Variants in TTC28 observed in about 807,000 individuals in gnomAD.
TTC28 encodes tetratricopeptide repeat domain 28.
A neutral mutation model predicts 198.0 loss-of-function variants in TTC28; 61 were observed. The observed-to-expected ratio is 0.31, with a 90% CI of 0.25 to 0.38. The LOEUF (loss-of-function observed/expected upper bound fraction) is 0.38. TTC28 is among the 10% of genes least tolerant of loss of function. The probability of loss-of-function intolerance (pLI) is 1.00; values close to 1 mark genes in which losing one functional copy is unlikely to be tolerated. For missense variants in TTC28, 2,678 were observed against 3,164.0 expected (o/e 0.85, Z 3.69); for synonymous variants, 1,171 against 1,297.8 (o/e 0.90, Z 2.10).
At chr22:28,517,137 CA>C (rs2048805871) in intron 2 of TTC28, among the ~76,000 whole-genome samples, 1 of 152,102 alleles carries the variant, frequency 6.6e-6, no homozygotes, top group South Asian at 2.1e-4. Flanking sequence ...TCAGACTGAT[CA>C]AATTGAAAAA....
intron 2 of TTC28, among the ~76,000 whole-genome samples, chr22:28,335,450 T>C (rs1265233037): frequency 6.6e-6 from 1 of 152,224 alleles, no homozygotes. Context: ...TTGGGCTGTA[T>C]TGCCATTTCC....
intron 2 of TTC28, among the ~76,000 whole-genome samples, chr22:28,471,681 G>A (rs1044822241): frequency 3.9e-5 from 6 of 152,088 alleles, no homozygotes; most frequent in African/African-American, 1.4e-4. Flanking sequence ...GATCAAATAG[G>A]TTAATATATG....
intron 2 of TTC28, among the ~76,000 whole-genome samples, chr22:28,345,362 CCTAAAAATTCTTATACAGTGCATGGGA>C (rs1240056786): frequency 3.3e-5 from 5 of 152,096 alleles, no homozygotes; most frequent in Non-Finnish European, 5.9e-5. Flanking sequence ...ATAATCACCC[CCTAAAAATTCTTATACAGTGCATGGGA>C]CTATTGAATC....
intron 6 of TTC28, among the ~76,000 whole-genome samples, chr22:28,124,199 T>TTGTTG (rs1405300472): frequency 8.0e-6 from 1 of 125,634 alleles, no homozygotes; most frequent in African/African-American, 3.8e-5. Flanking sequence ...GTTGTTGTTG[T>TTGTTG]TTGTTTTTTG....
chr22:28,584,519 T>A (rs1477926794), intron 2 of TTC28, among the ~76,000 whole-genome samples: 2 of 152,232 alleles, frequency 1.3e-5, no homozygotes, highest in African/African-American at 2.4e-5. Context: ...AGATTCTATA[T>A]CTAAGCTGAC....
intron 12 of TTC28, among the ~76,000 whole-genome samples, chr22:28,061,937 C>T (rs534797743): frequency 1.3e-3 from 198 of 152,196 alleles, no homozygotes; most frequent in Non-Finnish European, 2.3e-3. Context: ...CCTTCACATC[C>T]GTTGTAAGTT....
intron 2 of TTC28, among the ~76,000 whole-genome samples, chr22:28,601,304 C>T (rs777017648): frequency 3.9e-5 from 6 of 152,014 alleles, no homozygotes; most frequent in Non-Finnish European, 8.8e-5. Flanking sequence ...CATTAGTTCA[C>T]TCCTTCATGA....
At chr22:28,448,033 G>T (rs1251433778) in intron 2 of TTC28, among the ~76,000 whole-genome samples, 2 of 152,018 alleles carry the variant, frequency 1.3e-5, no homozygotes, top group Non-Finnish European at 2.9e-5. Flanking sequence ...AATTACTATT[G>T]TATCAATATT....
chr22:28,500,928 T>C (rs1403827022), intron 2 of TTC28, among the ~76,000 whole-genome samples: 2 of 152,196 alleles, frequency 1.3e-5, no homozygotes, highest in Non-Finnish European at 2.9e-5. Context: ...TTCTCTATTA[T>C]ATTTGCCCTT....
intron 2 of TTC28, among the ~76,000 whole-genome samples, chr22:28,489,084 G>T (rs1176226442): frequency 6.6e-6 from 1 of 152,092 alleles, no homozygotes; most frequent in African/African-American, 2.4e-5. Context: ...AGGAGCTTGA[G>T]ACCAGCCTGG....
chr22:28,502,655 AAAAG>A (rs1313756784), intron 2 of TTC28, among the ~76,000 whole-genome samples: 10 of 151,998 alleles, frequency 6.6e-5, no homozygotes, highest in Non-Finnish European at 1.2e-4. Context: ...CTCAAAAAAA[AAAAG>A]AAAGAAAGAA....
At chr22:28,083,891 C>A (rs941272799) in intron 12 of TTC28, among the ~76,000 whole-genome samples, 5 of 152,236 alleles carry the variant, frequency 3.3e-5, no homozygotes, top group African/African-American at 7.2e-5. Flanking sequence ...GAGGGTCCTA[C>A]GCCCACGGAG....
At chr22:28,056,136 T>C (rs1448832534) in intron 12 of TTC28, 2 of 152,166 alleles carry the variant, frequency 1.3e-5, no homozygotes, top group African/African-American at 4.8e-5. Flanking sequence ...CTTGATTCTA[T>C]CATTAGCTTT....
chr22:28,197,032 C>A (rs558707574), intron 5 of TTC28, among the ~76,000 whole-genome samples: 3 of 151,920 alleles, frequency 2.0e-5, no homozygotes, highest in Non-Finnish European at 4.4e-5. Context: ...AAATGTCCAA[C>A]AATGATAGAC....
chr22:28,597,237 T>C (rs1479765342), intron 2 of TTC28, among the ~76,000 whole-genome samples: 2 of 152,208 alleles, frequency 1.3e-5, no homozygotes, highest in Admixed American at 1.3e-4. Context: ...AAAGATTCAG[T>C]TTAGTGGTGT....
intron 2 of TTC28, among the ~76,000 whole-genome samples, chr22:28,402,678 G>A (rs767337373): frequency 5.9e-5 from 9 of 152,172 alleles, no homozygotes; most frequent in East Asian, 5.8e-4. Flanking sequence ...TGTGATTCTC[G>A]GCAAGTTACT....
chr22:28,171,253 T>C (rs953631370), intron 5 of TTC28, among the ~76,000 whole-genome samples: 3 of 152,218 alleles, frequency 2.0e-5, no homozygotes, highest in African/African-American at 7.2e-5. Context: ...GAAGCTTGCC[T>C]ACCCTTTCTT....
intron 6 of TTC28, among the ~76,000 whole-genome samples, chr22:28,115,843 C>T (rs1942614026): frequency 1.3e-5 from 2 of 152,284 alleles, no homozygotes; most frequent in East Asian, 3.9e-4. Context: ...GTTCCAGATC[C>T]CAATTGCCCT....
intron 5 of TTC28, among the ~76,000 whole-genome samples, chr22:28,199,544 T>C (rs188778075): frequency 4.2e-4 from 62 of 148,194 alleles, no homozygotes; most frequent in South Asian, 4.2e-4. Flanking sequence ...TATATATATA[T>C]ATATACACAC....
Sources: gnomAD v4.1 joint callset for allele counts (sites outside exome capture counted in the v4.1 genomes callset) on GRCh38, gnomAD v4.1.1 for gene constraint, MANE v1.5 for transcripts, NCBI Gene and HGNC (gene_info 2026-07-23, HGNC 2026-07-21) for gene names.